Variants in PIK3IP1 observed in about 807,000 individuals in gnomAD.
PIK3IP1 encodes the protein phosphoinositide-3-kinase interacting protein 1.
In PIK3IP1, 28 loss-of-function variants were observed where a neutral mutation model predicts 30.7. That is an observed-to-expected ratio of 0.91 (90% CI 0.68 to 1.25). PIK3IP1 has a LOEUF of 1.25. Among genes scored for constraint, PIK3IP1 ranks in the 50% most tolerant of loss-of-function variants. PIK3IP1 has a pLI of 0.00. For missense variants in PIK3IP1, 333 were observed against 346.2 expected (o/e 0.96, Z 0.30); for synonymous variants, 159 against 140.8 (o/e 1.13, Z -0.91).
intron 5 of PIK3IP1, among the ~76,000 whole-genome samples, chr22:31,287,764 TCA>T (rs1311408728): frequency 6.6e-6 from 1 of 152,066 alleles, no homozygotes; most frequent in East Asian, 1.9e-4. Flanking sequence ...TTGCCCAGGG[TCA>T]CAGAGATAGC....
chr22:31,286,065 C>T (rs962513128), intron 5 of PIK3IP1, among the ~76,000 whole-genome samples: 8 of 151,420 alleles, frequency 5.3e-5, no homozygotes, highest in Admixed American at 6.6e-5. Context: ...CCCAGCTACT[C>T]GGGAGGCTGA....
intron 5 of PIK3IP1, among the ~76,000 whole-genome samples, chr22:31,285,944 G>C (rs746329595): frequency 6.6e-6 from 1 of 152,150 alleles, no homozygotes; most frequent in Non-Finnish European, 1.5e-5. Context: ...AGGCCGAGGC[G>C]GGTGGATTGC....
At position 31,282,339 on chromosome 22, in the gene PIK3IP1, T is replaced by C. The variant is rs187011711; in HGVS notation, c.*745A>G. On this transcript the variant is annotated 3_prime_UTR_variant, in exon 6 of 6. Coordinates refer to ENST00000215912, the MANE Select transcript of PIK3IP1 (RefSeq NM_052880.5). ...TCACTATCCATCCCTGAAGAGAAAC[T>C]GGGGCATCCCAGGTCTGCCTCTGCT... 1 of 152,800 alleles carries C rather than the reference T, an allele frequency of 6.5e-6. No homozygotes were observed. The highest frequency in any genetic ancestry group is 1.9e-4 in the East Asian group (1 of 5,184). The allele number at this position is 152,800 out of a possible 1,614,324, so 9.5% of individuals were successfully genotyped here. A position where few individuals can be genotyped will look rare whatever the true frequency, so the allele number is the denominator to read the frequency against.
chr22:31,289,974 G>C, intron 3 of PIK3IP1: 1 of 376,842 alleles, frequency 2.7e-6, no homozygotes, highest in Non-Finnish European at 4.9e-6. Flanking sequence ...TATTTCCCAA[G>C]GCCCCTCTCG....
At chr22:31,289,814 C>A (rs567570199) in intron 3 of PIK3IP1, 115 bp from the exon 4 acceptor site, 2 of 1,107,898 alleles carry the variant, frequency 1.8e-6, no homozygotes, top group East Asian at 2.6e-5. Flanking sequence ...AATTTCCCCC[C>A]ACACACAACC....
chr22:31,282,670 A>C lies in PIK3IP1; in HGVS notation c.*414T>G, dbSNP rs753932870. On this transcript the variant is annotated 3_prime_UTR_variant, in exon 6 of 6. Transcript: ENST00000215912. The stretch of plus-strand genomic sequence containing the variant: ...TCAATGCCATCCCTTGACCTGCTTT[A>C]CCTTAACCATGAATAACAGTGTATG... 19 of 172,412 alleles carry C rather than the reference A, an allele frequency of 1.1e-4. No individual in the cohort carries two copies. Among genetic ancestry groups the C allele is most frequent in the Non-Finnish European group, 1.4e-4 (11 of 79,670 alleles). 10.7% of individuals were successfully genotyped at this position (172,412 alleles called of 1,614,324 possible).
In PIK3IP1 at chr22:31,291,276, G is replaced by A. The variant is rs534864529; in HGVS notation, c.91C>T (p.His31Tyr). The A allele has an allele frequency of 9.0e-6, 14 of 1,556,244 alleles. No homozygotes were observed. The African/African-American group carries it at 1.5e-4, about 17-fold the overall frequency. Reference sequence around the variant, plus strand: ...GAGGTCTGGTCCTCCCGGTACAGGTGGCCGTTGTCCCAGAAACAGCCTGTG... The same window carrying A: ...GAGGTCTGGTCCTCCCGGTACAGGTAGCCGTTGTCCCAGAAACAGCCTGTG... ...GSGGCFWDNGHLYREDQTSPA... is the reference protein window; with the variant it reads ...GSGGCFWDNGYLYREDQTSPA... Residue 31 changes from histidine to tyrosine, a missense_variant, in exon 2 of 6, where the codon CAC becomes TAC. By Grantham distance (83) the His-to-Tyr change is moderately conservative. Around this residue, in one of 3 missense-constraint regions of PIK3IP1, gnomAD observed 111 missense variants for 100.1 expected, o/e 1.11. Coordinates refer to ENST00000215912, the MANE Select transcript of PIK3IP1 (RefSeq NM_052880.5).
chr22:31,290,158 A>G (rs2413049), intron 3 of PIK3IP1: 121,536 of 153,968 alleles, frequency 0.79, 48,959 homozygotes, highest in African/African-American at 0.95. Context: ...GGGAGGCCAG[A>G]CGGTCGGATC....
chr22:31,292,394 G>A lies in PIK3IP1; in HGVS notation c.-50C>T, dbSNP rs373389878. The A allele has an allele frequency of 1.1e-4, 165 of 1,570,200 alleles. No homozygotes were observed. Among genetic ancestry groups the A allele is most frequent in the Admixed American group, 1.3e-4 (8 of 59,790 alleles). On this transcript the variant is annotated 5_prime_UTR_variant, in exon 1 of 6. Transcript: ENST00000215912. ...GATTGAACGACCAGTGTTTAACCGA[G>A]GCCCCCTTGGCGGCGGCTCTGCCTC... is the stretch of plus-strand genomic sequence containing the variant.
At position 31,292,395 on chromosome 22, in the gene PIK3IP1, GC is replaced by G. The variant is rs771258544; in HGVS notation, c.-52del. ...ATTGAACGACCAGTGTTTAACCGAG[GC>G]CCCCTTGGCGGCGGCTCTGCCTCCC... On this transcript the variant is annotated 5_prime_UTR_variant, in exon 1 of 6. Transcript: ENST00000215912. 5 of 1,568,070 alleles carry G rather than the reference GC, an allele frequency of 3.2e-6. No homozygotes were observed. The highest frequency in any genetic ancestry group is 4.4e-6 in the Non-Finnish European group (5 of 1,138,488).
At position 31,291,248 on chromosome 22, in the gene PIK3IP1, G is replaced by T; in HGVS notation, c.119C>A (p.Pro40His). The change falls in exon 2 of 6, where the codon CCC becomes CAC. Residue 40 changes from proline to histidine, a missense_variant. Pro to His is a moderately conservative substitution (Grantham distance 77). This residue lies in a region of PIK3IP1 where 111 missense variants were observed against 100.1 expected (regional missense o/e 1.11). Transcript: ENST00000215912. ...GHLYREDQTS[P>H]APGLRCLNWL... ...GTTGAGGCAGCGGAGGCCCGGCGCG[G>T]GGGAGGTCTGGTCCTCCCGGTACAG... 6.4e-7 allele frequency: 1 copy of T among 1,552,972 alleles called. No homozygotes were observed. Among genetic ancestry groups the T allele is most frequent in the East Asian group, 2.4e-5 (1 of 40,952 alleles).
chr22:31,291,065 G>C lies in PIK3IP1; in HGVS notation c.207C>G (p.Tyr69Ter), dbSNP rs1459412710. ...APVSGAGNHS[Y>*]CRNPDEDPRG... ...GCGGGTCCTCGTCCGGGTTTCGGCAGTAACTGTGATTGCCGGCCCCTAAGA... is the reference window on the plus strand; with the variant it reads ...GCGGGTCCTCGTCCGGGTTTCGGCACTAACTGTGATTGCCGGCCCCTAAGA... The change falls in exon 3 of 6, where the codon TAC becomes TAG. Residue 69 changes from tyrosine (Y) to a stop codon, truncating the protein, a stop_gained. Transcript: ENST00000215912. LOFTEE classifies it high-confidence loss of function. The C allele has an allele frequency of 1.3e-6, 2 of 1,559,626 alleles. No individual in the cohort carries two copies. Among genetic ancestry groups the C allele is most frequent in the Non-Finnish European group, 1.7e-6 (2 of 1,151,252 alleles).
chr22:31,289,983 C>A (rs897281000), intron 3 of PIK3IP1: 4 of 358,416 alleles, frequency 1.1e-5, no homozygotes, highest in African/African-American at 2.1e-5. Context: ...AGGCCCCTCT[C>A]GGTTGCGTTC....
Position 31,283,232 on chromosome 22 carries a change from C to T in PIK3IP1, c.644G>A (p.Arg215Gln), listed in dbSNP as rs759247915. 1.6e-5 allele frequency: 26 copies of T among 1,614,062 alleles called. No homozygotes were observed. Among genetic ancestry groups the T allele is most frequent in the African/African-American group, 4.0e-5 (3 of 74,920 alleles). Residue 215 changes from arginine to glutamine, a missense_variant, in exon 6 of 6, where the codon CGA becomes CAA. Physicochemically the swap from Arg to Gln is conservative, Grantham distance 43. Coordinates refer to ENST00000215912, the MANE Select transcript of PIK3IP1 (RefSeq NM_052880.5). ...DQKVCEREMQ[R>Q]ITLPLSAFTN... ...GAAGGCAGACAAGGGCAGAGTGATT[C>T]GCTGCATCTCCCTCTCACATACTTT...
intron 5 of PIK3IP1, among the ~76,000 whole-genome samples, chr22:31,286,404 T>C (rs960322677): frequency 3.3e-5 from 5 of 152,196 alleles, no homozygotes; most frequent in Non-Finnish European, 7.3e-5. Flanking sequence ...TTCAGGACAC[T>C]CTGCTCTCTG....
At chr22:31,288,975 T>G in intron 5 of PIK3IP1, 1 of 475,026 alleles carries the variant, frequency 2.1e-6, no homozygotes, top group Non-Finnish European at 3.7e-6. Flanking sequence ...ATGCCAGGCA[T>G]GTGGGATCAG....
rs139094438 is a variant in PIK3IP1, at chr22:31,291,961, G to T, written c.70+314C>A. 6.6e-3 allele frequency among the ~76,000 whole-genome samples: 1,006 copies of T among 152,308 alleles called. 6 individuals carry two copies. The highest frequency in any genetic ancestry group is 9.9e-3 in the Non-Finnish European group (676 of 68,028). On this transcript the variant is annotated intron_variant, in intron 1 of 5. Coordinates refer to ENST00000215912, the MANE Select transcript of PIK3IP1 (RefSeq NM_052880.5). ...GCAGGAGAACCACAGAAGGAGGCTG[G>T]GGAAGGAGGACCACACCATGCAAAG...
In PIK3IP1 at chr22:31,292,321, T is replaced by C; in HGVS notation, c.24A>G (p.Ala8=). The C allele has an allele frequency of 6.2e-7, 1 of 1,614,214 alleles. No homozygotes were observed. The highest frequency in any genetic ancestry group is 1.3e-5 in the African/African-American group (1 of 75,070). The change falls in exon 1 of 6, where the codon GCA becomes GCG. Residue 8 remains alanine, a synonymous_variant. Coordinates refer to ENST00000215912, the MANE Select transcript of PIK3IP1 (RefSeq NM_052880.5). ...CTAGGAGCATGTTGCTGACGAGGAA[T>C]GCTTGTACCCAGGCCAACAGCATCC... MLLAWVQ[A]FLVSNMLLAE...
Position 31,284,722 on chromosome 22 carries a change from C to T in PIK3IP1, c.588-1434G>A, listed in dbSNP as rs188091641. Reference sequence around the variant, plus strand: ...GAGTGGTGTTGACTTACAGTTTTTCCCTCCCCTTTTTATCAGAAAATAAGA... The same window carrying T: ...GAGTGGTGTTGACTTACAGTTTTTCTCTCCCCTTTTTATCAGAAAATAAGA... On this transcript the variant is annotated intron_variant, in intron 5 of 5. Transcript: ENST00000215912. Among the ~76,000 whole-genome samples, 5 of 152,210 alleles carry T rather than the reference C, an allele frequency of 3.3e-5. No individual in the cohort carries two copies. The East Asian group carries it at 9.6e-4, about 29-fold the overall frequency.
Sources: allele counts gnomAD v4.1 joint callset (sites outside exome capture counted in the v4.1 genomes callset), GRCh38; gene constraint gnomAD v4.1.1; regional missense constraint gnomAD v4.1.1; transcripts MANE v1.5; gene names NCBI Gene and HGNC (gene_info 2026-07-23, HGNC 2026-07-21).